The following MAP3K20 variants were observed in gnomAD, a reference collection of about 807,000 sequenced individuals.
The protein encoded by MAP3K20 is mitogen-activated protein kinase kinase kinase 20.
Under a neutral mutation model 85.7 loss-of-function variants are expected in MAP3K20, and 40 were observed. That is an observed-to-expected ratio of 0.47 (90% CI 0.36 to 0.61). MAP3K20 has a LOEUF of 0.61. MAP3K20 is among the 20% of genes least tolerant of loss of function. The pLI is 0.00. For synonymous variants in MAP3K20, 325 were observed against 327.7 expected, an observed-to-expected ratio of 0.99 and a Z score of 0.09; for missense variants, 817 against 961.7, an observed-to-expected ratio of 0.85 and a Z score of 1.99.
intron 11 of MAP3K20, chr2:173,223,014 ACAT>A (rs1473392902): frequency 7.1e-6 from 7 of 985,328 alleles, no homozygotes; most frequent in African/African-American, 1.7e-5. Flanking sequence ...TAAAGAAAGG[ACAT>A]CATCATAGAT....
In MAP3K20 at chr2:173,198,008, A is replaced by G. The variant is rs146924556; in HGVS notation, c.583-18A>G. ...TATAAAGTACAAAAATAAAAATTCC[A>G]TTTTCTTTTTGTTCCAGGTTCTCTG... On this transcript the variant is annotated intron_variant, in intron 7 of 19. Coordinates refer to ENST00000375213, the MANE Select transcript of MAP3K20 (RefSeq NM_016653.3). This position sits in a 1 kb window ranked among gnomAD's most constrained non-coding sequence, Gnocchi z 5.8. The G allele has an allele frequency of 4.6e-3, 7,345 of 1,601,386 alleles. 28 individuals are homozygous for G. The highest frequency in any genetic ancestry group is 8.7e-3 in the Middle Eastern group (52 of 5,992).
At chr2:173,184,204 C>CTGGCACAATA (rs1294368422) in intron 4 of MAP3K20, among the ~76,000 whole-genome samples, 4 of 152,228 alleles carry the variant, frequency 2.6e-5, no homozygotes, top group Non-Finnish European at 5.9e-5. Flanking sequence ...TCTCTGTAAG[C>CTGGCACAATA]AAGGTGATGT....
intron 16 of MAP3K20, among the ~76,000 whole-genome samples, chr2:173,252,186 G>A (rs889632910): frequency 6.6e-6 from 1 of 151,876 alleles, no homozygotes; most frequent in East Asian, 1.9e-4. Flanking sequence ...GTGATGTTTG[G>A]CATCACTTGT....
intron 1 of MAP3K20, among the ~76,000 whole-genome samples, chr2:173,076,223 C>T (rs1686854393): frequency 6.6e-6 from 1 of 151,722 alleles, no homozygotes; most frequent in African/African-American, 2.4e-5. Context: ...TCGCGGCGCC[C>T]GGGAAGTCCT....
At chr2:173,151,478 A>C (rs1255323994) in intron 2 of MAP3K20, among the ~76,000 whole-genome samples, 1 of 152,172 alleles carries the variant, frequency 6.6e-6, no homozygotes. Context: ...GCCAGCCTAG[A>C]ATGCAGGTGT....
intron 16 of MAP3K20, among the ~76,000 whole-genome samples, chr2:173,252,659 C>G (rs961957549): frequency 1.3e-5 from 2 of 152,204 alleles, no homozygotes; most frequent in African/African-American, 4.8e-5. Flanking sequence ...TCCCAGTGCC[C>G]ACCTCCGCTC....
At chr2:173,216,259 A>G (rs1684068292) in intron 10 of MAP3K20, among the ~76,000 whole-genome samples, 1 of 152,224 alleles carries the variant, frequency 6.6e-6, no homozygotes, top group Admixed American at 6.5e-5. Flanking sequence ...TTTCTGTAAC[A>G]TGGCACATGG....
chr2:173,113,279 T>C (rs2106177313), intron 2 of MAP3K20, among the ~76,000 whole-genome samples: 1 of 152,286 alleles, frequency 6.6e-6, no homozygotes, highest in African/African-American at 2.4e-5. Context: ...TGGATTTTTT[T>C]CTCTTCTTTG....
At chr2:173,088,903 C>CACT (rs1240114499) in intron 1 of MAP3K20, among the ~76,000 whole-genome samples, 1 of 152,208 alleles carries the variant, frequency 6.6e-6, no homozygotes, top group Non-Finnish European at 1.5e-5. Context: ...ATCTTTCCCT[C>CACT]ACTCATATTT....
At chr2:173,246,115 A>C (rs780758675) in intron 16 of MAP3K20, among the ~76,000 whole-genome samples, 18 of 152,198 alleles carry the variant, frequency 1.2e-4, no homozygotes, top group Non-Finnish European at 2.5e-4. Flanking sequence ...TCAACTCAAC[A>C]TGACAGGGAA....
chr2:173,167,245 G>A (rs949163224), intron 2 of MAP3K20, among the ~76,000 whole-genome samples: 5 of 151,984 alleles, frequency 3.3e-5, no homozygotes, highest in Admixed American at 3.3e-4. Context: ...GCTCTTGCAA[G>A]CAGGTGCCTA....
chr2:173,101,269 G>A (rs1687631804), intron 2 of MAP3K20, among the ~76,000 whole-genome samples: 1 of 152,088 alleles, frequency 6.6e-6, no homozygotes, highest in Admixed American at 6.5e-5. Flanking sequence ...GCAAGCCAAA[G>A]CCCCTAATCC....
At chr2:173,231,750 G>C (rs1684527452) in intron 12 of MAP3K20, among the ~76,000 whole-genome samples, 1 of 152,184 alleles carries the variant, frequency 6.6e-6, no homozygotes, top group Admixed American at 6.5e-5. Context: ...CTTTGACTTG[G>C]CTGGGGCCAC....
chr2:173,094,113 C>T (rs1392879546), intron 2 of MAP3K20, among the ~76,000 whole-genome samples: 32 of 152,002 alleles, frequency 2.1e-4, no homozygotes, highest in Non-Finnish European at 1.5e-5. Flanking sequence ...ACAATGTGCA[C>T]ATGTACCCTA....
intron 9 of MAP3K20, among the ~76,000 whole-genome samples, chr2:173,209,193 A>G (rs963981085): frequency 3.9e-5 from 6 of 152,226 alleles, no homozygotes; most frequent in Non-Finnish European, 7.3e-5. Context: ...GATAATCAGC[A>G]TAGTACCTGA....
chr2:173,153,299 G>A (rs1191937634), intron 2 of MAP3K20, among the ~76,000 whole-genome samples: 4 of 152,192 alleles, frequency 2.6e-5, no homozygotes, highest in African/African-American at 4.8e-5. Flanking sequence ...CTGACTGTCC[G>A]TGACTACCTC....
intron 2 of MAP3K20, among the ~76,000 whole-genome samples, chr2:173,132,851 G>C (rs1688656872): frequency 2.0e-5 from 3 of 152,212 alleles, no homozygotes; most frequent in African/African-American, 7.2e-5. Flanking sequence ...AATTAAAAGA[G>C]AACACACAAG....
rs1470553267 is a variant in MAP3K20 at position 173,091,366 on chromosome 2, G to A, written c.159+176G>A. 5.9e-5 allele frequency among the ~76,000 whole-genome samples: 9 copies of A among 152,102 alleles called. No homozygotes were observed. In the South Asian group the frequency reaches 6.2e-4, roughly 11 times the overall value. On this transcript the variant is annotated intron_variant, in intron 2 of 19. Coordinates refer to ENST00000375213, the MANE Select transcript of MAP3K20 (RefSeq NM_016653.3). ...CCCCATAAATAGAAATTATTGCAGC[G>A]TGTGCTTTAGGGTTGAGTTCTACTA...
intron 2 of MAP3K20, among the ~76,000 whole-genome samples, chr2:173,115,243 A>C (rs1040939462): frequency 9.2e-5 from 14 of 152,050 alleles, no homozygotes; most frequent in Admixed American, 7.9e-4. Context: ...AGTGTGTCCA[A>C]AATTTCCTGA....
Sources: allele counts gnomAD v4.1 joint callset (sites outside exome capture counted in the v4.1 genomes callset), GRCh38; gene constraint gnomAD v4.1.1; non-coding constraint Gnocchi (gnomAD v3.1); transcripts MANE v1.5; gene names NCBI Gene and HGNC (gene_info 2026-07-23, HGNC 2026-07-21).